The following ATP10B variants were observed in gnomAD, a reference collection of about 807,000 sequenced individuals.
ATP10B encodes ATPase phospholipid transporting 10B (putative), also known as phospholipid-transporting ATPase VB.
Under a neutral mutation model 141.2 loss-of-function variants are expected in ATP10B, and 122 were observed. The ratio of observed to expected loss-of-function variants is 0.86; its 90% CI spans 0.75 to 1.00. ATP10B has a LOEUF of 1.00. Among genes scored for constraint, ATP10B ranks in the 50% least tolerant of loss-of-function variants. The probability of loss-of-function intolerance (pLI) is 0.00; values close to 1 mark genes in which losing one functional copy is unlikely to be tolerated. For synonymous variants in ATP10B, 685 were observed against 692.0 expected (o/e 0.99, Z 0.16); for missense variants, 1,876 against 1,825.3 (o/e 1.03, Z -0.51).
the ATP10B span, among the ~76,000 whole-genome samples, chr5:160,880,054 A>T: frequency 1.3e-5 from 2 of 151,164 alleles, no homozygotes; most frequent in East Asian, 3.9e-4. Context: ...TAAATCTAAT[A>T]ATCTATGTGT....
intron 12 of ATP10B, 118 bp downstream of exon 12, chr5:160,634,236 T>C (rs1372534151): frequency 1.4e-6 from 2 of 1,448,554 alleles, no homozygotes; most frequent in African/African-American, 1.4e-5. Context: ...AAGCAACTTG[T>C]GGAAATGCCA....
At chr5:160,837,081 C>T (rs918406462) in intron 1 of ATP10B, among the ~76,000 whole-genome samples, 2 of 152,122 alleles carry the variant, frequency 1.3e-5, no homozygotes, top group African/African-American at 4.8e-5. Context: ...CAATCAAAGT[C>T]TTCCACCTCA....
intron 18 of ATP10B, 138 bp downstream of exon 18, chr5:160,612,603 T>C: frequency 1.5e-6 from 1 of 667,212 alleles, no homozygotes; most frequent in Non-Finnish European, 2.5e-6. Context: ...TCCTCTAGAC[T>C]CCAAGATTCA....
chr5:160,853,055 C>G (rs1057395035), upstream of ATP10B, among the ~76,000 whole-genome samples: 3 of 151,948 alleles, frequency 2.0e-5, no homozygotes, highest in Non-Finnish European at 2.9e-5. Flanking sequence ...ATCAGAATAC[C>G]AAGAAGAAAC....
At chr5:160,669,937 G>T (rs1314113207) in intron 7 of ATP10B, among the ~76,000 whole-genome samples, 1 of 27,318 alleles carries the variant, frequency 3.7e-5, no homozygotes, top group Non-Finnish European at 7.6e-5. Flanking sequence ...AAAGATATCA[G>T]TGATCTCTGT....
the ATP10B span, among the ~76,000 whole-genome samples, chr5:160,871,348 T>C: frequency 6.6e-6 from 1 of 152,138 alleles, no homozygotes; most frequent in Admixed American, 6.6e-5. Flanking sequence ...GTACTCACAT[T>C]ACCCTTGAAG....
At chr5:160,783,625 C>T (rs1007583963) in intron 2 of ATP10B, among the ~76,000 whole-genome samples, 3 of 148,156 alleles carry the variant, frequency 2.0e-5, no homozygotes, top group Non-Finnish European at 4.5e-5. Flanking sequence ...GTTTCTTCAT[C>T]CACTCACTGA....
At chr5:160,923,176 T>A in the ATP10B span, among the ~76,000 whole-genome samples, 1 of 152,200 alleles carries the variant, frequency 6.6e-6, no homozygotes, top group African/African-American at 2.4e-5. Context: ...GCAGGGCAGC[T>A]TGACAAGGCT....
chr5:160,881,598 G>A, the ATP10B span, among the ~76,000 whole-genome samples: 1 of 152,066 alleles, frequency 6.6e-6, no homozygotes, highest in Non-Finnish European at 1.5e-5. Context: ...GGATCACGAG[G>A]TCAGGAGATC....
the ATP10B span, among the ~76,000 whole-genome samples, chr5:160,921,450 A>G: frequency 6.6e-6 from 1 of 152,214 alleles, no homozygotes; most frequent in Non-Finnish European, 1.5e-5. Context: ...CATCACTACC[A>G]TCTATCTCCA....
intron 6 of ATP10B, among the ~76,000 whole-genome samples, chr5:160,683,620 G>A (rs893860267): frequency 1.3e-5 from 2 of 152,312 alleles, no homozygotes; most frequent in South Asian, 2.1e-4. Flanking sequence ...GAGCCAGTGC[G>A]GAATGTCTGC....
intron 1 of ATP10B, among the ~76,000 whole-genome samples, chr5:160,851,315 C>A (rs936189973): frequency 1.3e-5 from 2 of 152,172 alleles, no homozygotes; most frequent in African/African-American, 2.4e-5. Context: ...GCCTTAATAG[C>A]AGGCCACAGG....
At chr5:160,890,580 G>T in the ATP10B span, among the ~76,000 whole-genome samples, 3 of 152,048 alleles carry the variant, frequency 2.0e-5, no homozygotes, top group Admixed American at 6.5e-5. Flanking sequence ...CAATGTTTCT[G>T]AAATTGCTTT....
chr5:160,662,958 C>T (rs899844107), intron 7 of ATP10B, among the ~76,000 whole-genome samples: 39 of 152,110 alleles, frequency 2.6e-4, no homozygotes, highest in African/African-American at 9.2e-4. Flanking sequence ...AAGAAACAAC[C>T]CCATCAACAA....
At chr5:160,599,857 G>A (rs1042794410) in intron 21 of ATP10B, among the ~76,000 whole-genome samples, 3 of 152,190 alleles carry the variant, frequency 2.0e-5, no homozygotes, top group Non-Finnish European at 4.4e-5. Flanking sequence ...CCTGGAGTTA[G>A]AACTAGAACT....
At chr5:160,922,872 GT>G in the ATP10B span, among the ~76,000 whole-genome samples, 1 of 152,208 alleles carries the variant, frequency 6.6e-6, no homozygotes, top group African/African-American at 2.4e-5. Flanking sequence ...CCATTCAGCT[GT>G]CCCCACATAT....
At position 160,678,851 on chromosome 5, in the gene ATP10B, G is replaced by A. The variant is rs1364994294; in HGVS notation, c.470+7228C>T. On this transcript the variant is annotated intron_variant, in intron 6 of 25. Coordinates refer to ENST00000327245, the MANE Select transcript of ATP10B (RefSeq NM_025153.3). ...CACATATTTGGTAAATGGCAGCTCT[G>A]AGAAAAGCCCAGGTCCCATGTCAAA... 4.6e-5 allele frequency among the ~76,000 whole-genome samples: 7 copies of A among 152,182 alleles called. No individual in the cohort carries two copies. In the South Asian group the frequency reaches 1.2e-3, roughly 27 times the overall value.
At chr5:160,792,778 T>A (rs990294794) in intron 1 of ATP10B, among the ~76,000 whole-genome samples, 2 of 152,172 alleles carry the variant, frequency 1.3e-5, no homozygotes, top group Non-Finnish European at 2.9e-5. Context: ...GTGCCTCAAT[T>A]CATCCACATG....
the ATP10B span, among the ~76,000 whole-genome samples, chr5:160,921,269 A>C: frequency 6.9e-6 from 1 of 143,948 alleles, no homozygotes; most frequent in Admixed American, 6.7e-5. Context: ...TCTATTCAGC[A>C]CTTTGTTTTT....
Sources: gnomAD v4.1 joint callset for allele counts (sites outside exome capture counted in the v4.1 genomes callset) on GRCh38, gnomAD v4.1.1 for gene constraint, MANE v1.5 for transcripts, NCBI Gene and HGNC (gene_info 2026-07-23, HGNC 2026-07-21) for gene names.